SNTG1: variants seen among roughly 807,000 people sequenced by gnomAD.
The protein encoded by SNTG1 is syntrophin gamma 1, also known as gamma-1-syntrophin.
Under a neutral mutation model 74.7 loss-of-function variants are expected in SNTG1, and 39 were observed. The ratio of observed to expected loss-of-function variants is 0.52; its 90% CI spans 0.40 to 0.68. SNTG1 has a LOEUF of 0.68. SNTG1 is among the 30% of genes least tolerant of loss of function. The pLI is 0.00. For missense variants in SNTG1, 685 were observed against 609.5 expected (o/e 1.12, Z -1.30); for synonymous variants, 254 against 217.1 (o/e 1.17, Z -1.49).
chr8:50,598,960 T>G (rs915124935), intron 13 of SNTG1, among the ~76,000 whole-genome samples: 3 of 152,020 alleles, frequency 2.0e-5, no homozygotes, highest in African/African-American at 7.2e-5. Context: ...ATAACAACTT[T>G]TTGGAGTCTT....
intron 1 of SNTG1, among the ~76,000 whole-genome samples, chr8:50,013,311 G>A (rs1193988108): frequency 6.6e-6 from 1 of 151,958 alleles, no homozygotes; most frequent in African/African-American, 2.4e-5. Flanking sequence ...TGGCAAAATA[G>A]CACCTCGTCA....
chr8:50,636,301 G>A (rs2095038823), intron 13 of SNTG1, among the ~76,000 whole-genome samples: 1 of 151,836 alleles, frequency 6.6e-6, no homozygotes, highest in Non-Finnish European at 1.5e-5. Flanking sequence ...TGACTCACTA[G>A]GTCATATGCC....
intron 2 of SNTG1, among the ~76,000 whole-genome samples, chr8:50,230,613 T>C (rs2085567583): frequency 6.6e-6 from 1 of 151,288 alleles, no homozygotes; most frequent in South Asian, 2.1e-4. Context: ...CATTTGCAAA[T>C]TCTACCCAAC....
At chr8:50,762,125 C>T (rs2095600680) in intron 18 of SNTG1, among the ~76,000 whole-genome samples, 1 of 151,598 alleles carries the variant, frequency 6.6e-6, no homozygotes, top group Non-Finnish European at 1.5e-5. Context: ...AAATTTCCCC[C>T]GTATTTAAAT....
At chr8:49,937,710 G>A (rs929459552) in intron 1 of SNTG1, among the ~76,000 whole-genome samples, 1 of 152,122 alleles carries the variant, frequency 6.6e-6, no homozygotes, top group East Asian at 1.9e-4. Context: ...CTAATGACAA[G>A]GGAAACCAGA....
At chr8:50,288,697 G>GAA (rs970725189) in intron 2 of SNTG1, among the ~76,000 whole-genome samples, 1 of 149,976 alleles carries the variant, frequency 6.7e-6, no homozygotes, top group Non-Finnish European at 1.5e-5. Flanking sequence ...AGGTCATCTG[G>GAA]AAAAAAAAAG....
At chr8:50,059,357 G>A (rs886253599) in intron 1 of SNTG1, among the ~76,000 whole-genome samples, 2 of 152,000 alleles carry the variant, frequency 1.3e-5, no homozygotes, top group African/African-American at 4.8e-5. Context: ...AATTCACACA[G>A]CTTATAACTC....
rs193169765 is a variant in SNTG1, at chr8:50,074,547, C to T, written c.-102-98014C>T. 1.2e-3 allele frequency among the ~76,000 whole-genome samples: 186 copies of T among 152,284 alleles called. 1 individual carries two copies. Among genetic ancestry groups the T allele is most frequent in the Middle Eastern group, 0.01 (3 of 294 alleles). The stretch of plus-strand genomic sequence containing the variant: ...GAACAGTCAAAACATACACATTTAT[C>T]AATTAAGTTTGAAGTTGTATATGGT... On this transcript the variant is annotated intron_variant, in intron 1 of 18. Transcript: ENST00000642720.
chr8:50,525,383 A>G (rs1343198851), intron 9 of SNTG1, among the ~76,000 whole-genome samples: 6 of 152,042 alleles, frequency 3.9e-5, no homozygotes, highest in African/African-American at 1.2e-4. Context: ...CTAGTTGGAG[A>G]TCTTCAAGTT....
intron 4 of SNTG1, among the ~76,000 whole-genome samples, chr8:50,435,195 T>G (rs1054240149): frequency 1.3e-5 from 2 of 152,146 alleles, no homozygotes; most frequent in African/African-American, 4.8e-5. Flanking sequence ...AGTCCGATAT[T>G]AATCTTGGGC....
chr8:50,521,352 G>A (rs747381507), intron 9 of SNTG1, among the ~76,000 whole-genome samples: 1 of 152,142 alleles, frequency 6.6e-6, no homozygotes, highest in Non-Finnish European at 1.5e-5. Flanking sequence ...AACCACCATG[G>A]CATGTGCATA....
At chr8:50,740,124 G>T (rs2095539450) in intron 17 of SNTG1, among the ~76,000 whole-genome samples, 1 of 152,002 alleles carries the variant, frequency 6.6e-6, no homozygotes, top group African/African-American at 2.4e-5. Context: ...TGGAAAATGG[G>T]ATCTAATTAA....
chr8:50,337,863 G>C (rs928944177), intron 2 of SNTG1, among the ~76,000 whole-genome samples: 6 of 152,316 alleles, frequency 3.9e-5, no homozygotes, highest in Non-Finnish European at 7.4e-5. Flanking sequence ...TAGGCCGGGC[G>C]CAGTGGCTCA....
At chr8:50,088,721 G>A (rs1223138869) in intron 1 of SNTG1, among the ~76,000 whole-genome samples, 2 of 144,652 alleles carry the variant, frequency 1.4e-5, no homozygotes, top group African/African-American at 4.9e-5. Context: ...CCTCTTCAAG[G>A]AGAACTACAA....
chr8:50,280,985 C>CAAAAAA (rs35973666), intron 2 of SNTG1, among the ~76,000 whole-genome samples: 17 of 75,406 alleles, frequency 2.3e-4, no homozygotes, highest in African/African-American at 3.5e-4. Context: ...AACCCAGTCT[C>CAAAAAA]AAAAAAAAAA....
At chr8:50,000,983 T>A (rs770649253) in intron 1 of SNTG1, among the ~76,000 whole-genome samples, 1 of 152,220 alleles carries the variant, frequency 6.6e-6, no homozygotes, top group Non-Finnish European at 1.5e-5. Context: ...CAGAAACTTA[T>A]GTTAAAGATA....
At chr8:50,512,150 T>A (rs1008115371) in intron 9 of SNTG1, among the ~76,000 whole-genome samples, 1 of 152,024 alleles carries the variant, frequency 6.6e-6, no homozygotes, top group Non-Finnish European at 1.5e-5. Flanking sequence ...GTCTGTAAAG[T>A]ATTTTATTTC....
intron 2 of SNTG1, among the ~76,000 whole-genome samples, chr8:50,338,267 A>C (rs1159031050): frequency 6.6e-6 from 1 of 152,240 alleles, no homozygotes; most frequent in East Asian, 1.9e-4. Context: ...CTACAGCTGC[A>C]GCAAGCAGTA....
intron 1 of SNTG1, among the ~76,000 whole-genome samples, chr8:49,920,104 C>T (rs756472362): frequency 6.6e-6 from 1 of 152,000 alleles, no homozygotes; most frequent in African/African-American, 2.4e-5. Flanking sequence ...CATTATCTAC[C>T]TAAGTCATTT....
Sources: gnomAD v4.1 joint callset for allele counts (sites outside exome capture counted in the v4.1 genomes callset) on GRCh38, gnomAD v4.1.1 for gene constraint, MANE v1.5 for transcripts, NCBI Gene and HGNC (gene_info 2026-07-23, HGNC 2026-07-21) for gene names.